KCNQ1: variants seen among roughly 807,000 people sequenced by gnomAD.
The protein encoded by KCNQ1 is potassium voltage-gated channel subfamily KQT member 1.
Under a neutral mutation model 72.4 loss-of-function variants are expected in KCNQ1, and 49 were observed. That is an observed-to-expected ratio of 0.68 (90% CI 0.54 to 0.86). KCNQ1 has a LOEUF of 0.86. Among genes scored for constraint, KCNQ1 ranks in the 40% least tolerant of loss-of-function variants. The pLI is 0.00. For synonymous variants in KCNQ1, 450 were observed against 412.6 expected (o/e 1.09, Z -1.10); for missense variants, 790 against 945.1 (o/e 0.84, Z 2.15).
Position 2,657,173 on chromosome 11 carries a change from T to C in KCNQ1, c.1394-4788T>C. 5.0e-6 allele frequency: 2 copies of C among 398,680 alleles called. No individual in the cohort carries two copies. The highest frequency in any genetic ancestry group is 3.6e-5 in the East Asian group (1 of 28,084). The allele number at this position is 398,680 out of a possible 1,614,324, so 24.7% of individuals were successfully genotyped here. ...GGTACAGCAAGTTCTCCCACCTTGT[T>C]CTTCTTCAAGAATATTGCCAATTCT... On this transcript the variant is annotated intron_variant, in intron 10 of 15. Coordinates refer to ENST00000155840, the MANE Select transcript of KCNQ1 (RefSeq NM_000218.3). This position sits in a 1 kb window ranked among gnomAD's most constrained non-coding sequence, Gnocchi z 4.8.
intron 11 of KCNQ1, among the ~76,000 whole-genome samples, chr11:2,709,955 C>T (rs231901): frequency 0.12 from 18,760 of 152,094 alleles, 1,255 homozygotes; most frequent in South Asian, 0.16. Flanking sequence ...CATTTGGGTA[C>T]GAGTTTTTAT....
In KCNQ1 at chr11:2,572,230, C is replaced by A. The variant is rs905701074; in HGVS notation, c.780+121C>A. The A allele has an allele frequency of 1.5e-5, 11 of 711,760 alleles. No homozygotes were observed. The East Asian group carries it at 1.9e-4, about 12-fold the overall frequency. 44.1% of individuals were successfully genotyped at this position (711,760 alleles called of 1,614,324 possible). A position where few individuals can be genotyped will look rare whatever the true frequency, so the allele number is the denominator to read the frequency against. ...CCCCGGGGGCCGGTGGGTGCCTGGGCGCAGGGGTACCTGAACGGGGCCCAG... is the reference window on the plus strand; with the variant it reads ...CCCCGGGGGCCGGTGGGTGCCTGGGAGCAGGGGTACCTGAACGGGGCCCAG... On this transcript the variant is annotated intron_variant, in intron 5 of 15. Transcript: ENST00000155840.
rs1850329191 is a variant in KCNQ1 at position 2,678,374 on chromosome 11, C to T, written c.1514+16293C>T. 2.5e-6 allele frequency: 1 copy of T among 398,342 alleles called. No individual in the cohort carries two copies. The highest frequency in any genetic ancestry group is 4.4e-5 in the Admixed American group (1 of 22,708). The allele number at this position is 398,342 out of a possible 1,614,324, so 24.7% of individuals were successfully genotyped here. On this transcript the variant is annotated intron_variant, in intron 11 of 15. Coordinates refer to ENST00000155840, the MANE Select transcript of KCNQ1 (RefSeq NM_000218.3). This position sits in a 1 kb window ranked among gnomAD's most constrained non-coding sequence, Gnocchi z 4.9. Reference sequence around the variant, plus strand: ...CGGGATTTTGACAGAGTAATTAAATCCAATTTGGTTTCCCATATATTTGTC... The same window carrying T: ...CGGGATTTTGACAGAGTAATTAAATTCAATTTGGTTTCCCATATATTTGTC...
At chr11:2,662,708 T>C (rs743647) in intron 11 of KCNQ1, 17,909 of 401,502 alleles carry the variant, frequency 0.045, 1,285 homozygotes, top group African/African-American at 0.21. Flanking sequence ...TGCAGCGGGG[T>C]CAGTGGGGCA....
chr11:2,525,916 C>T (rs1847495382), intron 1 of KCNQ1, among the ~76,000 whole-genome samples: 1 of 152,190 alleles, frequency 6.6e-6, no homozygotes, highest in Admixed American at 6.5e-5. Context: ...TTGGGGTGCT[C>T]ATGGTCTAGG....
In KCNQ1 at chr11:2,628,477, G is replaced by A. The variant is rs368863630; in HGVS notation, c.1394-33484G>A. 7 of 398,212 alleles carry A rather than the reference G, an allele frequency of 1.8e-5. No individual in the cohort carries two copies. The East Asian group carries it at 1.8e-4, about 10-fold the overall frequency. 24.7% of individuals were successfully genotyped at this position (398,212 alleles called of 1,614,324 possible). On this transcript the variant is annotated intron_variant, in intron 10 of 15. Coordinates refer to ENST00000155840, the MANE Select transcript of KCNQ1 (RefSeq NM_000218.3). ...TTCAGTCCCTTGTCCATCTTAACAG[G>A]TTATTAATTGGGTTATTAAGTTTTT... is the stretch of plus-strand genomic sequence containing the variant.
chr11:2,775,432 C>A (rs1846676805), intron 12 of KCNQ1, among the ~76,000 whole-genome samples: 1 of 152,230 alleles, frequency 6.6e-6, no homozygotes, highest in Non-Finnish European at 1.5e-5. Context: ...CTGGGGCCAC[C>A]CCTGCTGCCT....
Position 2,766,718 on chromosome 11 carries a change from C to T in KCNQ1, c.1515-2126C>T, listed in dbSNP as rs143964838. 2.6e-5 allele frequency among the ~76,000 whole-genome samples: 4 copies of T among 152,294 alleles called. No homozygotes were observed. The highest frequency in any genetic ancestry group is 4.8e-5 in the African/African-American group (2 of 41,564). ...TACATGTGGCATCATGCTCAAAGTCCGACATCTTGTGATCTGCCCCTTCCA... is the reference window on the plus strand; with the variant it reads ...TACATGTGGCATCATGCTCAAAGTCTGACATCTTGTGATCTGCCCCTTCCA... On this transcript the variant is annotated intron_variant, in intron 11 of 15. Coordinates refer to ENST00000155840, the MANE Select transcript of KCNQ1 (RefSeq NM_000218.3). The surrounding 1 kb of genome is among the most constrained non-coding windows in gnomAD (Gnocchi z 4.4).
intron 15 of KCNQ1, among the ~76,000 whole-genome samples, chr11:2,804,685 G>A (rs997346694): frequency 1.3e-5 from 2 of 152,204 alleles, no homozygotes; most frequent in Admixed American, 6.5e-5. Context: ...TGAAGCTGCA[G>A]CCACCATTCT....
At chr11:2,697,999 T>C in intron 11 of KCNQ1, 1 of 398,594 alleles carries the variant, frequency 2.5e-6, no homozygotes, top group African/African-American at 2.1e-5. Context: ...TCCTACTGAG[T>C]ATCTGGAAAA....
chr11:2,620,785 G>A lies in KCNQ1; in HGVS notation c.1393+31931G>A. Reference sequence around the variant, plus strand: ...CTCCAAACTGCTTAGCACAGTGGCTGAACTAATTTGTATTCCTGCCAACAG... The same window carrying A: ...CTCCAAACTGCTTAGCACAGTGGCTAAACTAATTTGTATTCCTGCCAACAG... On this transcript the variant is annotated intron_variant, in intron 10 of 15. Transcript: ENST00000155840. The surrounding 1 kb of genome is among the most constrained non-coding windows in gnomAD (Gnocchi z 4.5). 2.5e-6 allele frequency: 1 copy of A among 398,584 alleles called. No individual in the cohort carries two copies. The highest frequency in any genetic ancestry group is 3.6e-5 in the East Asian group (1 of 28,064). 24.7% of individuals were successfully genotyped at this position (398,584 alleles called of 1,614,324 possible).
chr11:2,810,970 T>A, intron 15 of KCNQ1, among the ~76,000 whole-genome samples: 1 of 152,184 alleles, frequency 6.6e-6, no homozygotes, highest in East Asian at 1.9e-4. Context: ...GCTGTGGGCC[T>A]GATGTGTGCC....
chr11:2,654,027 C>A lies in KCNQ1; in HGVS notation c.1394-7934C>A, dbSNP rs1849798128. On this transcript the variant is annotated intron_variant, in intron 10 of 15. Coordinates refer to ENST00000155840, the MANE Select transcript of KCNQ1 (RefSeq NM_000218.3). The surrounding 1 kb of genome is among the most constrained non-coding windows in gnomAD (Gnocchi z 6.4). ...TGTGAATATACATTTTCACTCCATT[C>A]CTCGCCTTGTTCCTGGCAGCTGTTG... The A allele has an allele frequency of 5.0e-6, 2 of 398,596 alleles. No individual in the cohort carries two copies. Among genetic ancestry groups the A allele is most frequent in the South Asian group, 2.5e-4 (2 of 7,856 alleles). The allele number at this position is 398,596 out of a possible 1,614,324, so 24.7% of individuals were successfully genotyped here.
rs1590067656 is a variant in KCNQ1 at position 2,750,320 on chromosome 11, G to A, written c.1515-18524G>A. On this transcript the variant is annotated intron_variant, in intron 11 of 15. Coordinates refer to ENST00000155840, the MANE Select transcript of KCNQ1 (RefSeq NM_000218.3). The surrounding 1 kb of genome is among the most constrained non-coding windows in gnomAD (Gnocchi z 6.3). The stretch of plus-strand genomic sequence containing the variant: ...AGACGGGGGTATAGCTGTTGGGCTT[G>A]TGGCTGGCCTGGCCTAACCAGTTGG... Among the ~76,000 whole-genome samples, 1 of 152,314 alleles carries A rather than the reference G, an allele frequency of 6.6e-6. No homozygotes were observed. The highest frequency in any genetic ancestry group is 1.9e-4 in the East Asian group (1 of 5,180).
At position 2,658,527 on chromosome 11, in the gene KCNQ1, C is replaced by G. The variant is rs1186152702; in HGVS notation, c.1394-3434C>G. ...CTAGCACTTGACAATACTTCAGGCT[C>G]ATCTTTTATTTTCCCTACCCTAGCC... On this transcript the variant is annotated intron_variant, in intron 10 of 15. Coordinates refer to ENST00000155840, the MANE Select transcript of KCNQ1 (RefSeq NM_000218.3). The surrounding 1 kb of genome is among the most constrained non-coding windows in gnomAD (Gnocchi z 4.9). 1 of 398,212 alleles carries G rather than the reference C, an allele frequency of 2.5e-6. No individual in the cohort carries two copies. The highest frequency in any genetic ancestry group is 2.1e-5 in the African/African-American group (1 of 48,526). The allele number at this position is 398,212 out of a possible 1,614,324, so 24.7% of individuals were successfully genotyped here.
chr11:2,731,341 C>T (rs1845855466), intron 11 of KCNQ1, among the ~76,000 whole-genome samples: 1 of 152,242 alleles, frequency 6.6e-6, no homozygotes, highest in Non-Finnish European at 1.5e-5. Flanking sequence ...CCTCGTCCCA[C>T]AGTCGGCATG....
At position 2,663,880 on chromosome 11, in the gene KCNQ1, T is replaced by A. The variant is rs939411264; in HGVS notation, c.1514+1799T>A. 4 of 398,518 alleles carry A rather than the reference T, an allele frequency of 1.0e-5. No individual in the cohort carries two copies. The highest frequency in any genetic ancestry group is 8.2e-5 in the African/African-American group (4 of 48,610). The allele number at this position is 398,518 out of a possible 1,614,324, so 24.7% of individuals were successfully genotyped here. A position where few individuals can be genotyped will look rare whatever the true frequency, so the allele number is the denominator to read the frequency against. The stretch of plus-strand genomic sequence containing the variant: ...CAGAGGTTACCCACCTGCCCAAGGG[T>A]GACCCCAAGCCAGTGTGGCTGTGTC... On this transcript the variant is annotated intron_variant, in intron 11 of 15. Coordinates refer to ENST00000155840, the MANE Select transcript of KCNQ1 (RefSeq NM_000218.3). This position sits in a 1 kb window ranked among gnomAD's most constrained non-coding sequence, Gnocchi z 5.2.
Position 2,608,213 on chromosome 11 carries a change from T to C in KCNQ1, c.1393+19359T>C, listed in dbSNP as rs964217395. Reference sequence around the variant, plus strand: ...ATAAAGAATTGATATTCTTTAGATATTTGTTAGATTCACTCATCTGGCCCT... The same window carrying C: ...ATAAAGAATTGATATTCTTTAGATACTTGTTAGATTCACTCATCTGGCCCT... On this transcript the variant is annotated intron_variant, in intron 10 of 15. Coordinates refer to ENST00000155840, the MANE Select transcript of KCNQ1 (RefSeq NM_000218.3). This position sits in a 1 kb window ranked among gnomAD's most constrained non-coding sequence, Gnocchi z 4.6. The C allele has an allele frequency of 1.3e-5, 5 of 393,882 alleles. No individual in the cohort carries two copies. Among genetic ancestry groups the C allele is most frequent in the Non-Finnish European group, 1.8e-5 (4 of 223,712 alleles). The allele number at this position is 393,882 out of a possible 1,614,324, so 24.4% of individuals were successfully genotyped here.
rs1285066516 is a variant in KCNQ1 at position 2,746,305 on chromosome 11, CT to C, written c.1515-22538del. Among the ~76,000 whole-genome samples, 1 of 152,206 alleles carries C rather than the reference CT, an allele frequency of 6.6e-6. No homozygotes were observed. Among genetic ancestry groups the C allele is most frequent in the African/African-American group, 2.4e-5 (1 of 41,430 alleles). On this transcript the variant is annotated intron_variant, in intron 11 of 15. Coordinates refer to ENST00000155840, the MANE Select transcript of KCNQ1 (RefSeq NM_000218.3). The surrounding 1 kb of genome is among the most constrained non-coding windows in gnomAD (Gnocchi z 5.9). Reference sequence around the variant, plus strand: ...CCCAGGTGCCCTTCCCCCAGCAGCCCTATTATCAGCATCTCACATTAGTATG... The same window carrying C: ...CCCAGGTGCCCTTCCCCCAGCAGCCCATTATCAGCATCTCACATTAGTATG...
Sources: gnomAD v4.1 joint callset for allele counts (sites outside exome capture counted in the v4.1 genomes callset) on GRCh38, gnomAD v4.1.1 for gene constraint, Gnocchi (gnomAD v3.1) non-coding constraint, MANE v1.5 for transcripts, NCBI Gene and HGNC (gene_info 2026-07-23, HGNC 2026-07-21) for gene names.